The following EPHB1 variants were observed in gnomAD, a reference collection of about 807,000 sequenced individuals.
EPHB1 encodes ephrin type-B receptor 1.
EPHB1 carries 30 observed loss-of-function variants against 94.4 expected under a neutral mutation model. The ratio of observed to expected loss-of-function variants is 0.32; its 90% confidence interval spans 0.24 to 0.43. The LOEUF is 0.43. EPHB1 is among the 20% of genes least tolerant of loss of function. The pLI, the probability that EPHB1 is intolerant of heterozygous loss-of-function variation, is 1.00. For missense variants in EPHB1, 1,055 were observed against 1,308.3 expected, an observed-to-expected ratio of 0.81 and a Z score of 2.99; for synonymous variants, 522 against 489.1, an observed-to-expected ratio of 1.07 and a Z score of -0.89.
intron 1 of EPHB1, chr3:134,796,127 C>A: frequency 4.6e-6 from 1 of 218,512 alleles, no homozygotes; most frequent in South Asian, 6.1e-5. Flanking sequence ...TTCTGAGCAG[C>A]CGCGCGCCAC....
At chr3:135,154,409 C>T (rs980411287) in intron 6 of EPHB1, 133 bp downstream of exon 6, 1 of 1,297,770 alleles carries the variant, frequency 7.7e-7, no homozygotes, top group African/African-American at 1.5e-5. Flanking sequence ...CCAGAAGGTC[C>T]CTGGGAGAGT....
In EPHB1 at chr3:135,228,828, G is replaced by A. The variant is rs191884549; in HGVS notation, c.2347-12320G>A. On this transcript the variant is annotated intron_variant, in intron 12 of 15. Transcript: ENST00000398015. ...AGCCAATCCTTTTGTTTTTCCTTTG[G>A]GAGATTTTTATCTGCCCTCCATATG... Among the ~76,000 whole-genome samples, 172 of 152,160 alleles carry A rather than the reference G, an allele frequency of 1.1e-3. 1 individual carries two copies. The highest frequency in any genetic ancestry group is 3.9e-3 in the African/African-American group (160 of 41,504).
chr3:134,855,380 C>T (rs1400609724), intron 1 of EPHB1, among the ~76,000 whole-genome samples: 1 of 152,150 alleles, frequency 6.6e-6, no homozygotes, highest in Non-Finnish European at 1.5e-5. Flanking sequence ...GCCTCTGGTC[C>T]TTGAGGGGGT....
chr3:135,149,253 C>A (rs933493673), intron 5 of EPHB1, among the ~76,000 whole-genome samples: 1 of 152,170 alleles, frequency 6.6e-6, no homozygotes, highest in African/African-American at 2.4e-5. Flanking sequence ...ATTTTCATTT[C>A]TTTCTCTCAG....
chr3:134,851,535 A>G (rs775649823), intron 1 of EPHB1, among the ~76,000 whole-genome samples: 3 of 151,900 alleles, frequency 2.0e-5, no homozygotes, highest in Admixed American at 6.6e-5. Context: ...CTTTGTATGC[A>G]TTGGTTTGCA....
rs114458980 is a variant in EPHB1, at chr3:135,205,179, G to C, written c.2346+3490G>C. ...CATTGTGTATAAGTACCATCATTTT[G>C]TTTTAATTTACATTTTCAACTGACT... On this transcript the variant is annotated intron_variant, in intron 12 of 15. Transcript: ENST00000398015. Among the ~76,000 whole-genome samples, 1,515 of 151,924 alleles carry C rather than the reference G, an allele frequency of 1.0e-2. 21 individuals carry two copies. The highest frequency in any genetic ancestry group is 0.03 in the South Asian group (145 of 4,806).
At chr3:135,186,290 G>A (rs1212247361) in intron 10 of EPHB1, among the ~76,000 whole-genome samples, 1 of 152,220 alleles carries the variant, frequency 6.6e-6, no homozygotes, top group Non-Finnish European at 1.5e-5. Flanking sequence ...CTGGTAATGA[G>A]TATCTGAGGA....
intron 3 of EPHB1, among the ~76,000 whole-genome samples, chr3:135,013,630 A>G (rs928356114): frequency 1.3e-5 from 2 of 152,192 alleles, no homozygotes; most frequent in African/African-American, 4.8e-5. Flanking sequence ...AGTCCATATT[A>G]CAACCACCCA....
chr3:134,959,139 G>T (rs1020184486), intron 3 of EPHB1, among the ~76,000 whole-genome samples: 1 of 152,168 alleles, frequency 6.6e-6, no homozygotes, highest in Non-Finnish European at 1.5e-5. Context: ...TATTACTGAG[G>T]TGGGGTGGGT....
intron 3 of EPHB1, among the ~76,000 whole-genome samples, chr3:135,088,891 C>T (rs937702232): frequency 6.6e-6 from 1 of 152,178 alleles, no homozygotes; most frequent in African/African-American, 2.4e-5. Flanking sequence ...ATATTAACTG[C>T]TATTAATACT....
rs192720534 is a variant in EPHB1, at chr3:134,912,947, G to T, written c.59-12869G>T. Among the ~76,000 whole-genome samples, 4 of 152,306 alleles carry T rather than the reference G, an allele frequency of 2.6e-5. 1 individual carries two copies. The South Asian group carries it at 8.3e-4, about 32-fold the overall frequency. On this transcript the variant is annotated intron_variant, in intron 1 of 15. Coordinates refer to ENST00000398015, the MANE Select transcript of EPHB1 (RefSeq NM_004441.5). Reference sequence around the variant, plus strand: ...GATTTGGGGGAATCTGATATTTCCCGGTATCAGAATGGAAAAAGGAGCTGA... The same window carrying T: ...GATTTGGGGGAATCTGATATTTCCCTGTATCAGAATGGAAAAAGGAGCTGA...
chr3:134,977,619 G>C (rs1329718106), intron 3 of EPHB1, among the ~76,000 whole-genome samples: 1 of 152,112 alleles, frequency 6.6e-6, no homozygotes, highest in Non-Finnish European at 1.5e-5. Flanking sequence ...CTTGCTCCTG[G>C]TGAAGTACCT....
chr3:135,208,718 A>G (rs1264370393), intron 12 of EPHB1, among the ~76,000 whole-genome samples: 1 of 152,240 alleles, frequency 6.6e-6, no homozygotes, highest in African/African-American at 2.4e-5. Context: ...ATGCTGTGGA[A>G]TCAAAATTGG....
chr3:135,121,525 C>T (rs757554155), intron 4 of EPHB1, among the ~76,000 whole-genome samples: 3 of 152,198 alleles, frequency 2.0e-5, no homozygotes, highest in African/African-American at 7.2e-5. Context: ...AGACTCTAAC[C>T]GGCTTGCTTG....
At chr3:134,967,018 A>G (rs759500740) in intron 3 of EPHB1, among the ~76,000 whole-genome samples, 6 of 152,164 alleles carry the variant, frequency 3.9e-5, no homozygotes, top group African/African-American at 1.4e-4. Flanking sequence ...CCTTTATTCA[A>G]CCAGCCTCAC....
chr3:135,178,911 A>G (rs190752608), intron 9 of EPHB1, among the ~76,000 whole-genome samples: 2 of 152,272 alleles, frequency 1.3e-5, no homozygotes, highest in African/African-American at 2.4e-5. Context: ...CAGCCTTTCC[A>G]CCACCCACCA....
intron 5 of EPHB1, among the ~76,000 whole-genome samples, chr3:135,148,223 G>A (rs1046594738): frequency 2.0e-5 from 3 of 152,174 alleles, no homozygotes; most frequent in Non-Finnish European, 2.9e-5. Context: ...ATTGTTGGAG[G>A]AGGATGCCCC....
At chr3:135,111,370 T>C (rs1382188889) in intron 4 of EPHB1, among the ~76,000 whole-genome samples, 1 of 152,206 alleles carries the variant, frequency 6.6e-6, no homozygotes, top group Non-Finnish European at 1.5e-5. Flanking sequence ...TGTGAAAGTT[T>C]GGAAACATTG....
intron 3 of EPHB1, among the ~76,000 whole-genome samples, chr3:135,028,948 T>C (rs868688547): frequency 2.3e-5 from 3 of 130,758 alleles, no homozygotes; most frequent in African/African-American, 8.4e-5. Flanking sequence ...GTTAGCTCTT[T>C]TTGTTGAATT....
Sources: gnomAD v4.1 joint callset for allele counts (sites outside exome capture counted in the v4.1 genomes callset) on GRCh38, gnomAD v4.1.1 for gene constraint, MANE v1.5 for transcripts, NCBI Gene and HGNC (gene_info 2026-07-23, HGNC 2026-07-21) for gene names.